HMGCLL1: variants seen among roughly 807,000 people sequenced by gnomAD.
The protein encoded by HMGCLL1 is 3-hydroxy-3-methylglutaryl-CoA lyase like 1, also known as 3-hydroxymethyl-3-methylglutaryl-CoA lyase, cytoplasmic.
HMGCLL1 carries 36 observed loss-of-function variants against 39.1 expected under a neutral mutation model. The observed-to-expected ratio is 0.92, with a 90% confidence interval of 0.71 to 1.22. The LOEUF (loss-of-function observed/expected upper bound fraction) is 1.22. Ranked by LOEUF, HMGCLL1 falls within the 50% of genes most tolerant of loss-of-function variation. The pLI is 0.00. For missense variants in HMGCLL1, 451 were observed against 416.5 expected (o/e 1.08, Z -0.72); for synonymous variants, 149 against 144.0 (o/e 1.03, Z -0.25).
chr6:55,543,679 C>A (rs1372037263), intron 1 of HMGCLL1, among the ~76,000 whole-genome samples: 1 of 147,352 alleles, frequency 6.8e-6, no homozygotes, highest in Non-Finnish European at 1.5e-5. Flanking sequence ...CATAGTGAAA[C>A]CTCATCTCTC....
At chr6:55,634,290 C>T in the HMGCLL1 span, among the ~76,000 whole-genome samples, 1 of 151,924 alleles carries the variant, frequency 6.6e-6, no homozygotes, top group South Asian at 2.1e-4. Context: ...GGAATGCTTG[C>T]TAAAACATCT....
At chr6:55,554,632 T>A (rs995177112) in intron 1 of HMGCLL1, among the ~76,000 whole-genome samples, 1 of 151,978 alleles carries the variant, frequency 6.6e-6, no homozygotes, top group Admixed American at 6.6e-5. Flanking sequence ...ATAAGGGCAA[T>A]GAAATATGCT....
the HMGCLL1 span, among the ~76,000 whole-genome samples, chr6:55,621,502 T>C: frequency 6.6e-6 from 1 of 151,898 alleles, no homozygotes. Context: ...ATTCTCATAG[T>C]ACCATGAACC....
intron 7 of HMGCLL1, among the ~76,000 whole-genome samples, chr6:55,486,763 A>G (rs2127417348): frequency 6.6e-6 from 1 of 152,218 alleles, no homozygotes; most frequent in East Asian, 1.9e-4. Context: ...TTGGGCTGCT[A>G]TAACAAAGTA....
the HMGCLL1 span, among the ~76,000 whole-genome samples, chr6:55,631,439 T>A: frequency 2.0e-5 from 3 of 151,996 alleles, no homozygotes; most frequent in Non-Finnish European, 4.4e-5. Context: ...TTCCCCAGAA[T>A]GAAAAATAAT....
chr6:55,656,274 T>C, the HMGCLL1 span, among the ~76,000 whole-genome samples: 1 of 151,996 alleles, frequency 6.6e-6, no homozygotes, highest in Non-Finnish European at 1.5e-5. Context: ...AACCCTAAGT[T>C]TCTCCAGGTC....
intron 7 of HMGCLL1, among the ~76,000 whole-genome samples, chr6:55,442,200 T>C (rs1017160774): frequency 2.0e-5 from 3 of 152,118 alleles, no homozygotes; most frequent in African/African-American, 7.2e-5. Flanking sequence ...CTTTCTGTAT[T>C]GTACGTTTTG....
At chr6:55,667,526 G>A in the HMGCLL1 span, among the ~76,000 whole-genome samples, 1 of 151,720 alleles carries the variant, frequency 6.6e-6, no homozygotes, top group Non-Finnish European at 1.5e-5. Context: ...ACGGTACAAA[G>A]GAGGCTTTTT....
the HMGCLL1 span, among the ~76,000 whole-genome samples, chr6:55,656,316 C>T: frequency 6.6e-6 from 1 of 151,938 alleles, no homozygotes. Flanking sequence ...AAATTTTAGA[C>T]TGCACTCTAA....
chr6:55,445,408 GA>G (rs1033660182), intron 7 of HMGCLL1, among the ~76,000 whole-genome samples: 15 of 151,852 alleles, frequency 9.9e-5, no homozygotes, highest in Non-Finnish European at 1.5e-4. Flanking sequence ...AACAAGCTCT[GA>G]AAAAAACTAG....
At position 55,457,188 on chromosome 6, in the gene HMGCLL1, C is replaced by A. The variant is rs146450036; in HGVS notation, c.796-17629G>T. On this transcript the variant is annotated intron_variant, in intron 7 of 8. Coordinates refer to ENST00000274901, the MANE Select transcript of HMGCLL1 (RefSeq NM_001042406.2). ...GAATTATTTTCTACCAAACTCTTAT[C>A]AAAGGCAGATTGGGCAAAGTGATAC... 6.8e-3 allele frequency among the ~76,000 whole-genome samples: 1,033 copies of A among 152,288 alleles called. 11 individuals are homozygous for A. Among genetic ancestry groups the A allele is most frequent in the African/African-American group, 0.022 (904 of 41,560 alleles).
rs1044894791 is a variant in HMGCLL1, at chr6:55,544,895, G to A, written c.109-2755C>T. On this transcript the variant is annotated intron_variant, in intron 1 of 8. Coordinates refer to ENST00000274901, the MANE Select transcript of HMGCLL1 (RefSeq NM_001042406.2). ...GAGAGAGTGGAGGGATGAGAGGAAGGCCTGGGGTTCCTCAGCTTTAAACTC... is the reference window on the plus strand; with the variant it reads ...GAGAGAGTGGAGGGATGAGAGGAAGACCTGGGGTTCCTCAGCTTTAAACTC... 1.3e-4 allele frequency among the ~76,000 whole-genome samples: 20 copies of A among 152,084 alleles called. No homozygotes were observed. In the East Asian group the frequency reaches 3.7e-3, roughly 28 times the overall value.
the HMGCLL1 span, among the ~76,000 whole-genome samples, chr6:55,588,633 G>A: frequency 5.3e-5 from 8 of 151,912 alleles, no homozygotes; most frequent in Admixed American, 5.3e-4. Flanking sequence ...TTTTTGAAAA[G>A]ATCAACAAAA....
intron 1 of HMGCLL1, among the ~76,000 whole-genome samples, chr6:55,552,757 T>TA (rs978512388): frequency 6.6e-6 from 1 of 152,010 alleles, no homozygotes; most frequent in African/African-American, 2.4e-5. Flanking sequence ...GGAGATACCC[T>TA]AGTTAAAATA....
intron 3 of HMGCLL1, among the ~76,000 whole-genome samples, chr6:55,533,186 C>A (rs1768786086): frequency 6.6e-6 from 1 of 151,432 alleles, no homozygotes; most frequent in South Asian, 2.1e-4. Context: ...AATATACTGC[C>A]ACATTATAGA....
chr6:55,501,761 A>G (rs1251895424), intron 5 of HMGCLL1, among the ~76,000 whole-genome samples: 2 of 151,926 alleles, frequency 1.3e-5, no homozygotes, highest in Admixed American at 6.6e-5. Flanking sequence ...TTAAAGTTCT[A>G]TTATACTGCC....
the HMGCLL1 span, among the ~76,000 whole-genome samples, chr6:55,616,984 G>T: frequency 1.3e-5 from 2 of 151,978 alleles, no homozygotes; most frequent in South Asian, 2.1e-4. Flanking sequence ...CAAAAAATCT[G>T]CCAGATAAAA....
chr6:55,492,138 A>C (rs1385591508), intron 7 of HMGCLL1, among the ~76,000 whole-genome samples: 1 of 152,112 alleles, frequency 6.6e-6, no homozygotes, highest in Admixed American at 6.5e-5. Flanking sequence ...CTGCACCCCT[A>C]AATTAAAGCA....
chr6:55,484,523 A>T (rs1480618442), intron 7 of HMGCLL1, among the ~76,000 whole-genome samples: 31 of 151,982 alleles, frequency 2.0e-4, no homozygotes, highest in Admixed American at 2.0e-3. Context: ...AGATTTCTCA[A>T]ATATAACATG....
Sources: allele counts gnomAD v4.1 joint callset (sites outside exome capture counted in the v4.1 genomes callset), GRCh38; gene constraint gnomAD v4.1.1; transcripts MANE v1.5; gene names NCBI Gene and HGNC (gene_info 2026-07-23, HGNC 2026-07-21).